The following DLG5 variants were observed in gnomAD, a reference collection of about 807,000 sequenced individuals.
DLG5 encodes the protein disks large homolog 5.
Under a neutral mutation model 189.8 loss-of-function variants are expected in DLG5, and 48 were observed. The observed-to-expected ratio is 0.25, with a 90% CI of 0.20 to 0.32. The LOEUF (loss-of-function observed/expected upper bound fraction) is 0.32, where lower values mean the gene tolerates loss of function less well. Ranked by LOEUF, DLG5 falls within the 10% of genes least tolerant of loss-of-function variation. DLG5 has a pLI of 1.00. For synonymous variants in DLG5, 1,016 were observed against 1,054.1 expected, an observed-to-expected ratio of 0.96 and a Z score of 0.70; for missense variants, 2,160 against 2,544.7, an observed-to-expected ratio of 0.85 and a Z score of 3.25.
chr10:77,836,064 T>C (rs1843119699), intron 7 of DLG5, 142 bp from the exon 8 acceptor site: 1 of 814,520 alleles, frequency 1.2e-6, no homozygotes, highest in Non-Finnish European at 1.9e-6. Flanking sequence ...GCACACCCCA[T>C]ACCCCCAGTG....
intron 2 of DLG5, among the ~76,000 whole-genome samples, chr10:77,864,215 C>T (rs1844583333): frequency 1.3e-5 from 2 of 152,182 alleles, no homozygotes; most frequent in African/African-American, 4.8e-5. Context: ...CTCCCACTGA[C>T]CCTGGAGGCG....
upstream of DLG5, among the ~76,000 whole-genome samples, chr10:77,930,814 ATTTTTTTTT>A (rs35563477): frequency 4.4e-5 from 4 of 91,656 alleles, no homozygotes; most frequent in African/African-American, 1.8e-4. Context: ...CACCTGGCTA[ATTTTTTTTT>A]TTTTTTTTTT....
chr10:77,878,941 GCC>G (rs1845188702), intron 1 of DLG5, among the ~76,000 whole-genome samples: 1 of 152,162 alleles, frequency 6.6e-6, no homozygotes, highest in African/African-American at 2.4e-5. Flanking sequence ...GAAACACAAG[GCC>G]CACTCATTCG....
intron 2 of DLG5, among the ~76,000 whole-genome samples, chr10:77,866,639 C>T (rs1396560300): frequency 6.6e-6 from 1 of 151,650 alleles, no homozygotes; most frequent in East Asian, 1.9e-4. Flanking sequence ...TTAGTGGCGC[C>T]CATACTGGAC....
chr10:77,814,503 A>C lies in DLG5; in HGVS notation c.4025+2048T>G, dbSNP rs397844908. Among the ~76,000 whole-genome samples the C allele has an allele frequency of 1.5e-3, 169 of 115,766 alleles. 3 individuals are homozygous for C. Among genetic ancestry groups the C allele is most frequent in the Non-Finnish European group, 2.5e-3 (143 of 56,464 alleles). The allele number at this position is 115,766 out of a possible 152,430, so 75.9% of individuals were successfully genotyped here. On this transcript the variant is annotated intron_variant, in intron 20 of 31. Coordinates refer to ENST00000372391, the MANE Select transcript of DLG5 (RefSeq NM_004747.4). ...TATATATATATATATATATATATAT[A>C]TATCCAAAGGGTAATGGCAATTGAA...
chr10:77,910,002 G>A (rs1846172960), intron 1 of DLG5, among the ~76,000 whole-genome samples: 1 of 152,138 alleles, frequency 6.6e-6, no homozygotes, highest in African/African-American at 2.4e-5. Flanking sequence ...AGCACCCAGA[G>A]TTTCTGCTGT....
intron 5 of DLG5, among the ~76,000 whole-genome samples, chr10:77,849,050 C>T (rs915578369): frequency 2.6e-5 from 4 of 152,198 alleles, no homozygotes; most frequent in Admixed American, 2.6e-4. Context: ...CTGCCCAAAC[C>T]CAGAGATGGG....
chr10:77,804,784 C>T (rs182437566), intron 27 of DLG5, among the ~76,000 whole-genome samples: 107 of 152,192 alleles, frequency 7.0e-4, no homozygotes, highest in South Asian at 5.6e-3. Context: ...CCAGAAATGC[C>T]GAAGTTCTGC....
chr10:77,846,755 A>ACC (rs894032522), intron 5 of DLG5: 1 of 455,874 alleles, frequency 2.2e-6, no homozygotes, highest in African/African-American at 2.0e-5. Context: ...CCAAGTGAGA[A>ACC]CCCCATTGGC....
intron 8 of DLG5, among the ~76,000 whole-genome samples, chr10:77,834,873 C>G (rs1209681777): frequency 3.3e-5 from 5 of 152,136 alleles, no homozygotes; most frequent in African/African-American, 1.2e-4. Context: ...CAGGGCCTCA[C>G]CACCTAGCCA....
Position 77,878,126 on chromosome 10 carries a change from A to G in DLG5, c.305-8929T>C, listed in dbSNP as rs1845163781. Among the ~76,000 whole-genome samples the G allele has an allele frequency of 2.0e-5, 3 of 152,190 alleles. No individual in the cohort carries two copies. The South Asian group carries it at 6.2e-4, about 32-fold the overall frequency. On this transcript the variant is annotated intron_variant, in intron 1 of 31. Coordinates refer to ENST00000372391, the MANE Select transcript of DLG5 (RefSeq NM_004747.4). ...ATTTCCACTAGTCAGTAAATGGAGA[A>G]GAGGCTGCCTCCCTCCCACACAGGA...
intron 23 of DLG5, among the ~76,000 whole-genome samples, chr10:77,810,656 A>T (rs1201537430): frequency 6.6e-6 from 1 of 152,172 alleles, no homozygotes; most frequent in Non-Finnish European, 1.5e-5. Flanking sequence ...CACTCCAGTG[A>T]TCTTCCTGCC....
intron 1 of DLG5, among the ~76,000 whole-genome samples, chr10:77,922,850 A>G (rs1213541774): frequency 6.6e-6 from 1 of 152,014 alleles, no homozygotes; most frequent in Non-Finnish European, 1.5e-5. Context: ...GTCACTCCAC[A>G]CCCCCAGGCC....
At chr10:77,916,015 G>A (rs112754333) in intron 1 of DLG5, among the ~76,000 whole-genome samples, 28 of 152,118 alleles carry the variant, frequency 1.8e-4, no homozygotes, top group African/African-American at 5.8e-4. Context: ...CCAGGAGTTC[G>A]AGACCAGCCT....
intron 1 of DLG5, among the ~76,000 whole-genome samples, chr10:77,886,484 G>A (rs1162180496): frequency 6.6e-6 from 1 of 151,450 alleles, no homozygotes; most frequent in African/African-American, 2.4e-5. Flanking sequence ...CTCCCGAGTA[G>A]CTGGGATTAC....
rs896096022 is a variant in DLG5 at position 77,793,746 on chromosome 10, C to A, written c.5656+262G>T. 8 of 515,778 alleles carry A rather than the reference C, an allele frequency of 1.6e-5. No homozygotes were observed. The Admixed American group carries it at 2.0e-4, about 13-fold the overall frequency. 32.0% of individuals were successfully genotyped at this position (515,778 alleles called of 1,614,324 possible). A position where few individuals can be genotyped will look rare whatever the true frequency, so the allele number is the denominator to read the frequency against. On this transcript the variant is annotated intron_variant, in intron 31 of 31. Transcript: ENST00000372391. ...CTGCACCTGTGCTATGAGACAGACC[C>A]ACCACTGCACGTGTGAAAATGAGCA... is the stretch of plus-strand genomic sequence containing the variant.
chr10:77,869,210 G>A lies in DLG5; in HGVS notation c.305-13C>T, dbSNP rs1844804228. 4 of 1,613,284 alleles carry A rather than the reference G, an allele frequency of 2.5e-6. No homozygotes were observed. The highest frequency in any genetic ancestry group is 2.7e-5 in the African/African-American group (2 of 74,966). ...CTGTAGGTAGAACCTGGGGAAAGAG[G>A]GGAGACCATGTTACTAACCCCAAGG... is the stretch of plus-strand genomic sequence containing the variant. On this transcript the variant is annotated splice_polypyrimidine_tract_variant and intron_variant, in intron 1 of 31. Coordinates refer to ENST00000372391, the MANE Select transcript of DLG5 (RefSeq NM_004747.4).
chr10:77,868,524 C>G (rs1447689241), intron 2 of DLG5: 1 of 268,388 alleles, frequency 3.7e-6, no homozygotes. Context: ...TCTGTGAGTC[C>G]TTCGGGCTCA....
intron 1 of DLG5, among the ~76,000 whole-genome samples, chr10:77,913,789 G>A (rs1037793199): frequency 5.9e-5 from 9 of 151,878 alleles, no homozygotes; most frequent in South Asian, 2.1e-4. Flanking sequence ...GGGTTTTGCC[G>A]TGTTGCCCAG....
Sources: allele counts gnomAD v4.1 joint callset (sites outside exome capture counted in the v4.1 genomes callset), GRCh38; gene constraint gnomAD v4.1.1; transcripts MANE v1.5; gene names NCBI Gene and HGNC (gene_info 2026-07-23, HGNC 2026-07-21).